RIT2: variants seen among roughly 807,000 people sequenced by gnomAD.
The protein encoded by RIT2 is GTP-binding protein Rit2.
A neutral mutation model predicts 23.7 loss-of-function variants in RIT2; 24 were observed. The ratio of observed to expected loss-of-function variants is 1.01; its 90% confidence interval spans 0.73 to 1.43. RIT2 has a LOEUF of 1.43. Among genes scored for constraint, RIT2 ranks in the 40% most tolerant of loss-of-function variants. The pLI is 0.00. For synonymous variants in RIT2, 107 were observed against 91.1 expected (o/e 1.17, Z -0.99); for missense variants, 236 against 266.9 (o/e 0.88, Z 0.81).
At chr18:42,911,767 A>G (rs776605738) in intron 4 of RIT2, among the ~76,000 whole-genome samples, 1 of 152,042 alleles carries the variant, frequency 6.6e-6, no homozygotes, top group Non-Finnish European at 1.5e-5. Context: ...GAATAGTTCT[A>G]TAACTATTGA....
At chr18:43,030,825 A>G (rs1355368950) in intron 2 of RIT2, among the ~76,000 whole-genome samples, 7 of 152,062 alleles carry the variant, frequency 4.6e-5, no homozygotes, top group African/African-American at 1.7e-4. Context: ...TTACCACGAG[A>G]AGGAATCCTG....
intron 3 of RIT2, among the ~76,000 whole-genome samples, chr18:42,948,253 A>G (rs1379879338): frequency 6.6e-6 from 1 of 152,120 alleles, no homozygotes; most frequent in Non-Finnish European, 1.5e-5. Flanking sequence ...TAATGTCCTG[A>G]CATGTTGTTC....
intron 3 of RIT2, among the ~76,000 whole-genome samples, chr18:42,952,420 T>A (rs1360264693): frequency 6.6e-6 from 1 of 152,084 alleles, no homozygotes; most frequent in Non-Finnish European, 1.5e-5. Flanking sequence ...GTACAAAGCT[T>A]CAACTGTACA....
Position 43,032,915 on chromosome 18 carries a change from A to G in RIT2, c.160+896T>C, listed in dbSNP as rs1598754888. On this transcript the variant is annotated intron_variant, in intron 2 of 4. Transcript: ENST00000326695. ...TTTCTTGATAAGCATAATAGAAACT[A>G]GATGATCTTACCCATGGGTGGGGTG... 4.6e-5 allele frequency among the ~76,000 whole-genome samples: 7 copies of G among 152,154 alleles called. No homozygotes were observed. In the South Asian group the frequency reaches 1.2e-3, roughly 27 times the overall value.
At chr18:42,754,321 T>C (rs1389617605) in intron 4 of RIT2, among the ~76,000 whole-genome samples, 2 of 152,064 alleles carry the variant, frequency 1.3e-5, no homozygotes, top group South Asian at 2.1e-4. Context: ...CTTAGACTGG[T>C]AAGGGGTGTG....
At chr18:42,860,496 CAG>C (rs1907297810) in intron 4 of RIT2, among the ~76,000 whole-genome samples, 1 of 152,080 alleles carries the variant, frequency 6.6e-6, no homozygotes, top group Non-Finnish European at 1.5e-5. Context: ...TATGGAGAAG[CAG>C]ATTTTTAGAC....
intron 1 of RIT2, among the ~76,000 whole-genome samples, chr18:43,058,425 C>T (rs750260186): frequency 6.6e-5 from 10 of 152,180 alleles, no homozygotes; most frequent in African/African-American, 1.7e-4. Context: ...CCATCCCAGA[C>T]CCACTAAATT....
chr18:42,987,286 A>G (rs1295676689), intron 2 of RIT2, among the ~76,000 whole-genome samples: 1 of 152,190 alleles, frequency 6.6e-6, no homozygotes, highest in Non-Finnish European at 1.5e-5. Flanking sequence ...TGAAATAATA[A>G]TAGATGTGAT....
chr18:42,748,155 G>T (rs940692655), intron 4 of RIT2, among the ~76,000 whole-genome samples: 1 of 151,634 alleles, frequency 6.6e-6, no homozygotes, highest in South Asian at 2.1e-4. Context: ...AAGAAAACCC[G>T]CAAAGTGGAA....
chr18:43,074,220 A>C (rs2144339013), intron 1 of RIT2, among the ~76,000 whole-genome samples: 1 of 152,304 alleles, frequency 6.6e-6, no homozygotes, highest in East Asian at 1.9e-4. Flanking sequence ...TTTAGGTAAA[A>C]ATTTTGCAAT....
chr18:43,073,469 G>A (rs927727244), intron 1 of RIT2, among the ~76,000 whole-genome samples: 1 of 152,080 alleles, frequency 6.6e-6, no homozygotes, highest in African/African-American at 2.4e-5. Flanking sequence ...TTCTTTCTTT[G>A]TGATGCTAGC....
chr18:42,887,523 C>T (rs1908054155), intron 4 of RIT2, among the ~76,000 whole-genome samples: 1 of 152,110 alleles, frequency 6.6e-6, no homozygotes, highest in African/African-American at 2.4e-5. Flanking sequence ...AGATGTGCAG[C>T]AACGGGAATT....
At chr18:43,055,056 C>T (rs1912467787) in intron 1 of RIT2, among the ~76,000 whole-genome samples, 1 of 152,082 alleles carries the variant, frequency 6.6e-6, no homozygotes, top group Non-Finnish European at 1.5e-5. Flanking sequence ...GGGCCTGATA[C>T]ACTGTTATTT....
intron 2 of RIT2, among the ~76,000 whole-genome samples, chr18:43,013,221 C>A (rs1963405366): frequency 6.6e-6 from 1 of 151,848 alleles, no homozygotes. Flanking sequence ...ACGCCAAATT[C>A]TGGCACTTTT....
chr18:42,838,571 AG>A (rs1906679646), intron 4 of RIT2, among the ~76,000 whole-genome samples: 1 of 152,144 alleles, frequency 6.6e-6, no homozygotes, highest in African/African-American at 2.4e-5. Context: ...CTGAAATTCA[AG>A]GAGGTCAAAT....
intron 4 of RIT2, among the ~76,000 whole-genome samples, chr18:42,778,705 T>A (rs1913738028): frequency 6.6e-6 from 1 of 152,142 alleles, no homozygotes; most frequent in Non-Finnish European, 1.5e-5. Context: ...GAGTCCTAGC[T>A]GCTAAAAATT....
chr18:42,951,027 A>G, intron 3 of RIT2, among the ~76,000 whole-genome samples: 1 of 152,124 alleles, frequency 6.6e-6, no homozygotes, highest in East Asian at 1.9e-4. Context: ...CAGAGAACTT[A>G]ATGCAGAACT....
At chr18:42,876,897 G>A (rs1007424543) in intron 4 of RIT2, among the ~76,000 whole-genome samples, 3 of 151,674 alleles carry the variant, frequency 2.0e-5, no homozygotes, top group African/African-American at 7.2e-5. Flanking sequence ...CAGAGATTTC[G>A]ATTTTTTTAA....
chr18:42,857,581 C>T (rs1907219992), intron 4 of RIT2, among the ~76,000 whole-genome samples: 1 of 152,176 alleles, frequency 6.6e-6, no homozygotes, highest in African/African-American at 2.4e-5. Context: ...GGTAAAAGAG[C>T]TTAATCCTGC....
Sources: allele counts gnomAD v4.1 joint callset (sites outside exome capture counted in the v4.1 genomes callset), GRCh38; gene constraint gnomAD v4.1.1; transcripts MANE v1.5; gene names NCBI Gene and HGNC (gene_info 2026-07-23, HGNC 2026-07-21).